RALGPS1: variants seen among roughly 807,000 people sequenced by gnomAD.
RALGPS1 encodes the protein ras-specific guanine nucleotide-releasing factor RalGPS1.
In RALGPS1, 19 loss-of-function variants were observed where a neutral mutation model predicts 78.8. That is an observed-to-expected ratio of 0.24 (90% confidence interval 0.17 to 0.35). The LOEUF is 0.35. Ranked by LOEUF, RALGPS1 falls within the 10% of genes least tolerant of loss-of-function variation. RALGPS1 has a pLI of 1.00. For synonymous variants in RALGPS1, 228 were observed against 256.3 expected (o/e 0.89, Z 1.06); for missense variants, 454 against 688.3 (o/e 0.66, Z 3.81).
chr9:127,206,107 G>A (rs941801152), intron 14 of RALGPS1, among the ~76,000 whole-genome samples: 3 of 152,224 alleles, frequency 2.0e-5, no homozygotes, highest in Non-Finnish European at 4.4e-5. Context: ...TCAGAAAGTG[G>A]CCAGCATAGG....
intron 11 of RALGPS1, among the ~76,000 whole-genome samples, chr9:127,177,564 A>G (rs1482826445): frequency 6.6e-6 from 1 of 151,998 alleles, no homozygotes; most frequent in Non-Finnish European, 1.5e-5. Flanking sequence ...CCTCAGCCTC[A>G]GCCTCAGCCT....
At chr9:127,090,023 C>T (rs1368231479) in intron 8 of RALGPS1, among the ~76,000 whole-genome samples, 8 of 152,172 alleles carry the variant, frequency 5.3e-5, no homozygotes, top group African/African-American at 1.9e-4. Flanking sequence ...GGAGGTCGCA[C>T]TCAGTCTGAG....
intron 10 of RALGPS1, among the ~76,000 whole-genome samples, chr9:127,170,111 A>G (rs1462369429): frequency 6.6e-6 from 1 of 152,142 alleles, no homozygotes; most frequent in Non-Finnish European, 1.5e-5. Flanking sequence ...TTAATTAGCC[A>G]GACTGCATGG....
intron 11 of RALGPS1, among the ~76,000 whole-genome samples, chr9:127,189,195 G>A (rs1270797117): frequency 6.6e-6 from 1 of 152,050 alleles, no homozygotes; most frequent in Non-Finnish European, 1.5e-5. Flanking sequence ...ACCACAAGCA[G>A]GGAAACATGG....
chr9:127,045,549 A>G (rs561057178), intron 5 of RALGPS1, among the ~76,000 whole-genome samples: 91 of 152,340 alleles, frequency 6.0e-4, no homozygotes, highest in African/African-American at 2.1e-3. Context: ...GATGGTGGGA[A>G]CCAAGTTTCT....
chr9:126,940,677 G>A (rs1291767786), intron 1 of RALGPS1, among the ~76,000 whole-genome samples: 3 of 152,008 alleles, frequency 2.0e-5, no homozygotes, highest in Non-Finnish European at 4.4e-5. Context: ...TCCTGACCTC[G>A]TGATCCGTCG....
intron 1 of RALGPS1, among the ~76,000 whole-genome samples, chr9:126,933,700 C>A (rs1220419466): frequency 6.6e-6 from 1 of 152,066 alleles, no homozygotes; most frequent in Admixed American, 6.5e-5. Context: ...CCTGGTGGTG[C>A]ACAGGTGTAG....
At chr9:126,990,859 G>A (rs1345026477) in intron 4 of RALGPS1, among the ~76,000 whole-genome samples, 1 of 152,228 alleles carries the variant, frequency 6.6e-6, no homozygotes, top group Non-Finnish European at 1.5e-5. Context: ...GTGATCTAAT[G>A]CAGTGCCTGA....
At chr9:126,953,638 CCTTT>C (rs2038074416) in intron 1 of RALGPS1, among the ~76,000 whole-genome samples, 1 of 152,192 alleles carries the variant, frequency 6.6e-6, no homozygotes, top group Admixed American at 6.5e-5. Context: ...GTATATAAAT[CCTTT>C]CACCTGACAC....
At chr9:127,055,891 T>C (rs562882603) in intron 7 of RALGPS1, among the ~76,000 whole-genome samples, 1 of 152,346 alleles carries the variant, frequency 6.6e-6, no homozygotes, top group South Asian at 2.1e-4. Flanking sequence ...GGTCTCTGTC[T>C]TGGGTGTGGC....
At chr9:127,196,857 G>A (rs2248809) in intron 13 of RALGPS1, among the ~76,000 whole-genome samples, 52 of 152,228 alleles carry the variant, frequency 3.4e-4, no homozygotes, top group Admixed American at 1.4e-3. Flanking sequence ...TGGATCTGTC[G>A]TCATCCTGCT....
intron 8 of RALGPS1, among the ~76,000 whole-genome samples, chr9:127,157,759 T>C (rs191787226): frequency 3.9e-4 from 59 of 152,248 alleles, no homozygotes; most frequent in Admixed American, 3.8e-3. Context: ...ATATCACTAA[T>C]GTGATAACTA....
intron 8 of RALGPS1, among the ~76,000 whole-genome samples, chr9:127,160,951 C>T (rs1398452959): frequency 6.6e-6 from 1 of 152,258 alleles, no homozygotes; most frequent in Non-Finnish European, 1.5e-5. Context: ...GTGGCTGTTA[C>T]TGTCAGGGTT....
At chr9:127,168,274 A>G (rs186974110) in intron 9 of RALGPS1, among the ~76,000 whole-genome samples, 6 of 152,160 alleles carry the variant, frequency 3.9e-5, no homozygotes, top group Admixed American at 3.3e-4. Flanking sequence ...TGGTGGGTAG[A>G]TATAGGAGGC....
At chr9:126,933,954 G>A (rs1222508382) in intron 1 of RALGPS1, among the ~76,000 whole-genome samples, 5 of 152,100 alleles carry the variant, frequency 3.3e-5, no homozygotes, top group African/African-American at 9.7e-5. Context: ...GCCTTGGCTC[G>A]GTTTTTGGCC....
intron 1 of RALGPS1, among the ~76,000 whole-genome samples, chr9:126,939,682 C>T (rs1284297982): frequency 6.6e-6 from 1 of 152,252 alleles, no homozygotes; most frequent in Non-Finnish European, 1.5e-5. Flanking sequence ...GACAGTTGGA[C>T]TTCCAAGTCC....
intron 4 of RALGPS1, among the ~76,000 whole-genome samples, chr9:126,994,282 A>C (rs975501873): frequency 6.6e-6 from 1 of 152,184 alleles, no homozygotes; most frequent in Non-Finnish European, 1.5e-5. Context: ...AAGCTTTGAA[A>C]AAAAAATTAG....
At chr9:127,008,431 C>T (rs1436263665) in intron 4 of RALGPS1, among the ~76,000 whole-genome samples, 1 of 152,180 alleles carries the variant, frequency 6.6e-6, no homozygotes, top group African/African-American at 2.4e-5. Flanking sequence ...CCACCAGAAC[C>T]TCATTACTGG....
At chr9:127,089,454 ACTTGACACCTAGCCCAGGGCTGGGTG>A (rs1185667507) in intron 8 of RALGPS1, among the ~76,000 whole-genome samples, 13 of 152,214 alleles carry the variant, frequency 8.5e-5, no homozygotes, top group Admixed American at 8.5e-4. Flanking sequence ...GAGGATGCGT[ACTTGACACCTAGCCCAGGGCTGGGTG>A]CAAAGGAGGC....
Sources: allele counts gnomAD v4.1 joint callset (sites outside exome capture counted in the v4.1 genomes callset), GRCh38; gene constraint gnomAD v4.1.1; transcripts MANE v1.5; gene names NCBI Gene and HGNC (gene_info 2026-07-23, HGNC 2026-07-21).